Variants in NEDD4 observed in about 807,000 individuals in gnomAD.
The protein encoded by NEDD4 is E3 ubiquitin-protein ligase NEDD4.
NEDD4 carries 99 observed loss-of-function variants against 144.9 expected under a neutral mutation model. The ratio of observed to expected loss-of-function variants is 0.68; its 90% CI spans 0.58 to 0.81. The LOEUF is 0.81. Among genes scored for constraint, NEDD4 ranks in the 30% least tolerant of loss-of-function variants. The probability of loss-of-function intolerance (pLI) is 0.00; values close to 1 mark genes in which losing one functional copy is unlikely to be tolerated. For synonymous variants in NEDD4, 318 were observed against 350.6 expected (o/e 0.91, Z 1.04); for missense variants, 985 against 1,065.9 (o/e 0.92, Z 1.06).
intron 5 of NEDD4, 146 bp from the exon 6 acceptor site, chr15:55,874,154 T>C (rs529683193): frequency 4.3e-6 from 2 of 468,604 alleles, no homozygotes; most frequent in East Asian, 3.2e-5. Context: ...TAAAAAGTAA[T>C]GTGGTACAAC....
chr15:55,830,401 T>C, intron 28 of NEDD4, 113 bp downstream of exon 28: 1 of 954,158 alleles, frequency 1.0e-6, no homozygotes, highest in Non-Finnish European at 1.7e-6. Flanking sequence ...TTACCCATAA[T>C]CCATACCTGC....
At chr15:55,874,487 C>T (rs573427820) in intron 5 of NEDD4, among the ~76,000 whole-genome samples, 2 of 151,922 alleles carry the variant, frequency 1.3e-5, no homozygotes, top group African/African-American at 2.4e-5. Context: ...AGAGGAGAAA[C>T]GTCCCAGAAA....
At chr15:55,977,011 T>C (rs1204480549) in intron 1 of NEDD4, among the ~76,000 whole-genome samples, 1 of 152,190 alleles carries the variant, frequency 6.6e-6, no homozygotes, top group East Asian at 1.9e-4. Context: ...GATTCTATTC[T>C]AAAATGATTC....
At chr15:55,875,342 C>G (rs2034957899) in intron 5 of NEDD4, among the ~76,000 whole-genome samples, 1 of 152,126 alleles carries the variant, frequency 6.6e-6, no homozygotes, top group Non-Finnish European at 1.5e-5. Context: ...CAGAGTCTTG[C>G]TCTGTCACCC....
chr15:55,874,497 A>G (rs1376699264), intron 5 of NEDD4, among the ~76,000 whole-genome samples: 1 of 152,150 alleles, frequency 6.6e-6, no homozygotes, highest in Non-Finnish European at 1.5e-5. Flanking sequence ...CGTCCCAGAA[A>G]AAAAGAAGCC....
rs374400257 is a variant in NEDD4, at chr15:55,848,819, A to G, written c.1415T>C (p.Leu472Pro). ...GKTSLDTSND[L>P]GPLPPGWEER... ...CTATACACTTACAGGTAAAGGCCCT[A>G]GATCATTGGAAGTATCAAGTGATGT... The change falls in exon 15 of 29, where the codon CTA becomes CCA. Residue 472 changes from leucine (L) to proline (P), a missense_variant. Transcript: ENST00000435532. The G allele has an allele frequency of 3.7e-6, 6 of 1,613,552 alleles. No homozygotes were observed. The South Asian group carries it at 5.5e-5, about 15-fold the overall frequency.
At chr15:55,881,148 T>C (rs543310380) in intron 5 of NEDD4, among the ~76,000 whole-genome samples, 57 of 151,402 alleles carry the variant, frequency 3.8e-4, no homozygotes, top group Admixed American at 9.9e-4. Flanking sequence ...CTTTTCTTTT[T>C]TTTTTTTTTT....
intron 4 of NEDD4, among the ~76,000 whole-genome samples, chr15:55,944,118 C>G (rs1191116492): frequency 3.3e-5 from 5 of 152,220 alleles, no homozygotes; most frequent in Non-Finnish European, 7.3e-5. Context: ...GTGCCTGGTT[C>G]ATCTCATTTG....
chr15:55,946,008 T>C (rs2037105842), intron 4 of NEDD4, among the ~76,000 whole-genome samples: 1 of 152,120 alleles, frequency 6.6e-6, no homozygotes, highest in Admixed American at 6.5e-5. Context: ...AAGGAAGCAC[T>C]AAACATGGAA....
intron 12 of NEDD4, among the ~76,000 whole-genome samples, chr15:55,853,990 A>C (rs983296484): frequency 4.8e-4 from 73 of 152,042 alleles, no homozygotes; most frequent in African/African-American, 1.7e-3. Flanking sequence ...ACTCCGACTC[A>C]AAATAACAGA....
At chr15:55,987,299 G>A (rs2037911962) in intron 1 of NEDD4, 1 of 9,062 alleles carries the variant, frequency 1.1e-4, no homozygotes, top group Non-Finnish European at 2.5e-4. Flanking sequence ...CATGTCCTTC[G>A]CCCACTTTTT....
intron 1 of NEDD4, 35 bp downstream of exon 1, chr15:55,993,476 G>C: frequency 6.3e-7 from 1 of 1,592,502 alleles, no homozygotes; most frequent in Non-Finnish European, 8.5e-7. Context: ...ATAACCCGAA[G>C]GGAAGCCCGC....
At chr15:55,911,204 G>A (rs1239763560) in intron 5 of NEDD4, among the ~76,000 whole-genome samples, 1 of 152,124 alleles carries the variant, frequency 6.6e-6, no homozygotes, top group Admixed American at 6.5e-5. Flanking sequence ...CTTTTTGATT[G>A]TCACACTGGG....
intron 5 of NEDD4, among the ~76,000 whole-genome samples, chr15:55,880,050 T>A (rs980378641): frequency 1.3e-5 from 2 of 152,236 alleles, no homozygotes; most frequent in Non-Finnish European, 2.9e-5. Flanking sequence ...TCCCAGCACT[T>A]TGGGAGGCCA....
chr15:55,871,669 C>T (rs2034803508), intron 7 of NEDD4, among the ~76,000 whole-genome samples: 1 of 151,998 alleles, frequency 6.6e-6, no homozygotes, highest in South Asian at 2.1e-4. Flanking sequence ...ACATTACAAA[C>T]AGTAATTTAA....
At chr15:55,955,708 T>C (rs1328384767) in intron 2 of NEDD4, among the ~76,000 whole-genome samples, 1 of 152,070 alleles carries the variant, frequency 6.6e-6, no homozygotes, top group Non-Finnish European at 1.5e-5. Context: ...TCATGTGAGA[T>C]TGGTAATCTG....
intron 5 of NEDD4, among the ~76,000 whole-genome samples, chr15:55,876,540 T>C (rs1435140726): frequency 6.6e-6 from 1 of 152,174 alleles, no homozygotes; most frequent in Non-Finnish European, 1.5e-5. Context: ...TATAAAGTGG[T>C]ATGATTGACA....
chr15:55,830,022 G>A (rs1278570928), intron 28 of NEDD4, 23 bp from the exon 29 acceptor site: 2 of 1,558,636 alleles, frequency 1.3e-6, no homozygotes, highest in East Asian at 2.2e-5. Context: ...AGAGGAAGTG[G>A]TTATGAAAGA....
intron 5 of NEDD4, among the ~76,000 whole-genome samples, chr15:55,912,547 A>G (rs1595835515): frequency 6.6e-6 from 1 of 152,272 alleles, no homozygotes; most frequent in African/African-American, 2.4e-5. Context: ...ATGCACATTA[A>G]ATAATAGGGT....
Sources: gnomAD v4.1 joint callset for allele counts (sites outside exome capture counted in the v4.1 genomes callset) on GRCh38, gnomAD v4.1.1 for gene constraint, MANE v1.5 for transcripts, NCBI Gene and HGNC (gene_info 2026-07-23, HGNC 2026-07-21) for gene names.